The following PDZD2 variants were observed in gnomAD, a reference collection of about 807,000 sequenced individuals.
The protein encoded by PDZD2 is PDZ domain-containing protein 2.
A neutral mutation model predicts 220.7 loss-of-function variants in PDZD2; 90 were observed. The ratio of observed to expected loss-of-function variants is 0.41; its 90% confidence interval spans 0.34 to 0.49. The LOEUF is 0.49. Ranked by LOEUF, PDZD2 falls within the 20% of genes least tolerant of loss-of-function variation. The pLI is 0.28. For synonymous variants in PDZD2, 1,375 were observed against 1,450.5 expected (o/e 0.95, Z 1.18); for missense variants, 3,174 against 3,608.5 (o/e 0.88, Z 3.08).
At chr5:31,965,114 A>G (rs1168589058) in intron 2 of PDZD2, among the ~76,000 whole-genome samples, 2 of 152,222 alleles carry the variant, frequency 1.3e-5, no homozygotes, top group South Asian at 2.1e-4. Flanking sequence ...GTCAAATTAG[A>G]TAAAACGACA....
chr5:32,007,795 C>T (rs1198254740), intron 5 of PDZD2, among the ~76,000 whole-genome samples: 1 of 152,160 alleles, frequency 6.6e-6, no homozygotes, highest in Admixed American at 6.6e-5. Context: ...GCCATGGATT[C>T]GCTCTAGAGC....
rs1336575371 is a variant in PDZD2, at chr5:32,090,511, T to C, written c.7063T>C (p.Ser2355Pro). The change falls in exon 20 of 25, where the codon TCC (serine) becomes CCC (proline). Residue 2355 changes from serine (S) to proline (P), a missense_variant. Around this residue, in one of 4 missense-constraint regions of PDZD2, gnomAD observed 631 missense variants for 789.9 expected, o/e 0.80. Coordinates refer to ENST00000438447, the MANE Select transcript of PDZD2 (RefSeq NM_178140.4). The surrounding 1 kb of genome is among the most constrained non-coding windows in gnomAD (Gnocchi z 4.3). ...CAATGCTGACCGGCCTGTAGCCAAG[T>C]CCGGGGCTTCCCCATTTTTGTCGGT... is the stretch of plus-strand genomic sequence containing the variant. ...LANADRPVAK[S>P]GASPFLSVSS... 1.2e-6 allele frequency: 2 copies of C among 1,613,962 alleles called. No individual in the cohort carries two copies. The highest frequency in any genetic ancestry group is 4.5e-5 in the East Asian group (2 of 44,882).
At chr5:31,887,132 G>A (rs1039067304) in intron 2 of PDZD2, among the ~76,000 whole-genome samples, 2 of 152,132 alleles carry the variant, frequency 1.3e-5, no homozygotes, top group African/African-American at 4.8e-5. Flanking sequence ...TTCTTACTGT[G>A]GATTTCTGTA....
At chr5:31,747,823 A>G (rs1400941927) in intron 1 of PDZD2, 1 of 152,896 alleles carries the variant, frequency 6.5e-6, no homozygotes, top group East Asian at 1.9e-4. Context: ...CTCCAGCCCC[A>G]TAATCCTGCC....
rs201700989 is a variant in PDZD2, at chr5:32,089,289, C to T, written c.5841C>T (p.Thr1947=). 88 of 1,614,168 alleles carry T rather than the reference C, an allele frequency of 5.5e-5. No individual in the cohort carries two copies. Among genetic ancestry groups the T allele is most frequent in the Non-Finnish European group, 7.1e-5 (84 of 1,180,010 alleles). ...VADHEDPDRN[T]TAAPRSPQCV... is the part of the protein sequence containing the mutation. ...ACCACGAGGACCCTGACAGAAACAC[C>T]ACAGCTGCCCCCAGGTCCCCCCAGT... Residue 1947 remains threonine, a synonymous_variant, in exon 20 of 25, where the codon ACC becomes ACT. Transcript: ENST00000438447.
chr5:31,858,336 C>T (rs1197330948), intron 2 of PDZD2, among the ~76,000 whole-genome samples: 1 of 152,132 alleles, frequency 6.6e-6, no homozygotes, highest in African/African-American at 2.4e-5. Context: ...GAAGGAGACC[C>T]GCATGGATTG....
intron 5 of PDZD2, among the ~76,000 whole-genome samples, chr5:32,001,978 T>TG (rs1446277560): frequency 6.6e-6 from 1 of 152,180 alleles, no homozygotes; most frequent in African/African-American, 2.4e-5. Flanking sequence ...CTGTGCAGCA[T>TG]GACGCTCTTG....
intron 2 of PDZD2, among the ~76,000 whole-genome samples, chr5:31,813,428 C>T (rs1485782818): frequency 4.8e-5 from 6 of 123,974 alleles, no homozygotes; most frequent in South Asian, 2.6e-4. Context: ...CCAGCCTGGG[C>T]GACAGAGCGA....
intron 2 of PDZD2, among the ~76,000 whole-genome samples, chr5:31,968,375 TG>T (rs1748956528): frequency 6.6e-6 from 1 of 151,526 alleles, no homozygotes; most frequent in South Asian, 2.1e-4. Flanking sequence ...AAAAACAAGC[TG>T]GGCACGGTGG....
intron 2 of PDZD2, chr5:31,820,552 T>A (rs928721113): frequency 1.3e-5 from 2 of 152,234 alleles, no homozygotes; most frequent in Non-Finnish European, 2.9e-5. Flanking sequence ...AACTTTTTTT[T>A]AATTTTTATT....
At chr5:32,042,673 T>C (rs1005245574) in intron 7 of PDZD2, among the ~76,000 whole-genome samples, 1 of 152,186 alleles carries the variant, frequency 6.6e-6, no homozygotes, top group African/African-American at 2.4e-5. Context: ...AGTTACAACA[T>C]GGATTGGGGA....
chr5:31,707,627 A>C (rs1747892106), intron 1 of PDZD2, among the ~76,000 whole-genome samples: 1 of 148,800 alleles, frequency 6.7e-6, no homozygotes, highest in Non-Finnish European at 1.5e-5. Flanking sequence ...GAGCTACTGC[A>C]AAAGTGAACT....
intron 2 of PDZD2, among the ~76,000 whole-genome samples, chr5:31,907,745 G>C (rs896996745): frequency 3.9e-5 from 6 of 152,012 alleles, no homozygotes; most frequent in Non-Finnish European, 8.8e-5. Context: ...TCCCAGTTAC[G>C]TGAAGGCATA....
chr5:31,932,481 G>A (rs1029534174), intron 2 of PDZD2, among the ~76,000 whole-genome samples: 5 of 152,048 alleles, frequency 3.3e-5, no homozygotes, highest in African/African-American at 9.7e-5. Flanking sequence ...CCCAGGAGGC[G>A]GAGGCTGCAG....
chr5:31,974,101 C>G (rs1749535848), intron 2 of PDZD2, among the ~76,000 whole-genome samples: 1 of 152,198 alleles, frequency 6.6e-6, no homozygotes, highest in African/African-American at 2.4e-5. Flanking sequence ...CTGTTTCAGC[C>G]TCCCAAGTAG....
intron 2 of PDZD2, among the ~76,000 whole-genome samples, chr5:31,877,425 C>T (rs1739403972): frequency 6.6e-6 from 1 of 152,006 alleles, no homozygotes; most frequent in South Asian, 2.1e-4. Context: ...TGCTGCATTG[C>T]CCAGGCTGGA....
At chr5:32,102,421 G>A (rs1212568590) in intron 24 of PDZD2, among the ~76,000 whole-genome samples, 6 of 151,578 alleles carry the variant, frequency 4.0e-5, no homozygotes, top group East Asian at 1.9e-4. Flanking sequence ...TGCGTTACTC[G>A]AGTGGCAGCC....
At chr5:31,641,962 C>T (rs895879363) in intron 1 of PDZD2, among the ~76,000 whole-genome samples, 1 of 152,146 alleles carries the variant, frequency 6.6e-6, no homozygotes, top group Non-Finnish European at 1.5e-5. Context: ...GACCCCACTA[C>T]CCCCGGCTGA....
intron 2 of PDZD2, among the ~76,000 whole-genome samples, chr5:31,860,805 T>G (rs577554823): frequency 1.3e-5 from 2 of 152,362 alleles, no homozygotes; most frequent in Admixed American, 6.5e-5. Flanking sequence ...TATTTGATGC[T>G]ATGACTTATC....
Sources: allele counts gnomAD v4.1 joint callset (sites outside exome capture counted in the v4.1 genomes callset), GRCh38; gene constraint gnomAD v4.1.1; regional missense constraint gnomAD v4.1.1; non-coding constraint Gnocchi (gnomAD v3.1); transcripts MANE v1.5; gene names NCBI Gene and HGNC (gene_info 2026-07-23, HGNC 2026-07-21).